PIGK: variants seen among roughly 807,000 people sequenced by gnomAD.
PIGK encodes the protein phosphatidylinositol glycan anchor biosynthesis class K.
In PIGK, 42 loss-of-function variants were observed where a neutral mutation model predicts 50.6. That is an observed-to-expected ratio of 0.83 (90% confidence interval 0.65 to 1.07). The LOEUF (loss-of-function observed/expected upper bound fraction) is 1.07. Among genes scored for constraint, PIGK ranks in the 50% least tolerant of loss-of-function variants. The pLI, the probability that PIGK is intolerant of heterozygous loss-of-function variation, is 0.00. For missense variants in PIGK, 448 were observed against 488.7 expected, an observed-to-expected ratio of 0.92 and a Z score of 0.78; for synonymous variants, 151 against 156.0, an observed-to-expected ratio of 0.97 and a Z score of 0.24.
chr1:77,194,501 C>G (rs1350613896), intron 3 of PIGK, among the ~76,000 whole-genome samples: 2 of 152,048 alleles, frequency 1.3e-5, no homozygotes, highest in African/African-American at 4.8e-5. Context: ...ATGGATGAAA[C>G]TAGAGGCTAT....
chr1:77,156,590 C>T (rs1257944334), intron 8 of PIGK, among the ~76,000 whole-genome samples: 1 of 152,234 alleles, frequency 6.6e-6, no homozygotes, highest in Middle Eastern at 3.4e-3. Flanking sequence ...TCCTTCAAAC[C>T]ATCCTTCCTT....
chr1:77,215,716 G>A lies in PIGK; in HGVS notation c.93+3594C>T, dbSNP rs149561483. 3.0e-3 allele frequency among the ~76,000 whole-genome samples: 453 copies of A among 152,188 alleles called. 1 individual carries two copies. Among genetic ancestry groups the A allele is most frequent in the African/African-American group, 6.5e-3 (269 of 41,546 alleles). On this transcript the variant is annotated intron_variant, in intron 1 of 10. Transcript: ENST00000370812. ...GGATAAAGCAAATGTGTGTGTGTGCGTGCACACACGTGTATATATAAAATG... is the reference window on the plus strand; with the variant it reads ...GGATAAAGCAAATGTGTGTGTGTGCATGCACACACGTGTATATATAAAATG...
chr1:77,113,995 C>T (rs1255500758), intron 10 of PIGK, among the ~76,000 whole-genome samples: 1 of 151,984 alleles, frequency 6.6e-6, no homozygotes, highest in Non-Finnish European at 1.5e-5. Flanking sequence ...TCTCTTTAGC[C>T]CAGTATCTAA....
At chr1:77,111,984 C>T (rs1472772314) in intron 10 of PIGK, among the ~76,000 whole-genome samples, 2 of 151,706 alleles carry the variant, frequency 1.3e-5, no homozygotes, top group African/African-American at 2.4e-5. Context: ...TTAGGCACTG[C>T]TAAATATATA....
intron 10 of PIGK, among the ~76,000 whole-genome samples, chr1:77,114,802 C>CA (rs1653926923): frequency 6.6e-6 from 1 of 152,100 alleles, no homozygotes; most frequent in Non-Finnish European, 1.5e-5. Context: ...GTTTAGTTTT[C>CA]ATTACTTGCC....
chr1:77,168,713 T>A (rs1655287947), intron 4 of PIGK, among the ~76,000 whole-genome samples: 2 of 150,800 alleles, frequency 1.3e-5, no homozygotes, highest in South Asian at 4.2e-4. Flanking sequence ...AAGGATTATC[T>A]AAGAAGACTT....
At chr1:77,210,080 A>T (rs868325088) in intron 2 of PIGK, among the ~76,000 whole-genome samples, 3 of 152,208 alleles carry the variant, frequency 2.0e-5, no homozygotes, top group South Asian at 4.1e-4. Context: ...AAAAAATTTT[A>T]AAAAGTGTAA....
intron 9 of PIGK, among the ~76,000 whole-genome samples, chr1:77,151,302 T>G (rs1402113958): frequency 6.6e-6 from 1 of 152,146 alleles, no homozygotes; most frequent in African/African-American, 2.4e-5. Context: ...CAGCATCCCT[T>G]CATGATAAAA....
chr1:77,145,395 A>C (rs555849018), intron 9 of PIGK, among the ~76,000 whole-genome samples: 1 of 152,166 alleles, frequency 6.6e-6, no homozygotes, highest in South Asian at 2.1e-4. Flanking sequence ...TCTCAGAAAA[A>C]CAGTCAATAT....
intron 3 of PIGK, among the ~76,000 whole-genome samples, chr1:77,203,923 C>T (rs1396552842): frequency 6.6e-6 from 1 of 152,144 alleles, no homozygotes; most frequent in Non-Finnish European, 1.5e-5. Flanking sequence ...TATGTTGCTT[C>T]AGGATCCTGA....
At chr1:77,162,669 G>C (rs1301146570) in intron 6 of PIGK, among the ~76,000 whole-genome samples, 1 of 152,146 alleles carries the variant, frequency 6.6e-6, no homozygotes, top group Non-Finnish European at 1.5e-5. Flanking sequence ...TTTCTGGGAA[G>C]TTTTTCTCAG....
chr1:77,125,424 C>T (rs1047060243), intron 9 of PIGK, among the ~76,000 whole-genome samples: 2 of 152,130 alleles, frequency 1.3e-5, no homozygotes, highest in Non-Finnish European at 2.9e-5. Flanking sequence ...TTGAGTATCA[C>T]TGTGGATATA....
chr1:77,174,877 C>A (rs1261824297), intron 3 of PIGK, among the ~76,000 whole-genome samples: 1 of 152,138 alleles, frequency 6.6e-6, no homozygotes, highest in Non-Finnish European at 1.5e-5. Context: ...CGATTAAAAA[C>A]CTTAAAAACT....
At chr1:77,170,634 A>G (rs1655338879) in intron 3 of PIGK, among the ~76,000 whole-genome samples, 1 of 152,216 alleles carries the variant, frequency 6.6e-6, no homozygotes, top group Non-Finnish European at 1.5e-5. Context: ...TACTCAGTAA[A>G]TAATTTTAAG....
Position 77,172,387 on chromosome 1 carries a change from T to C in PIGK, c.240-2992A>G, listed in dbSNP as rs76567172. On this transcript the variant is annotated intron_variant, in intron 3 of 10. Transcript: ENST00000370812. ...TCACTTCCAATTTCTGTACCTCACT[T>C]CGCTTTTTTTGTCTCTAATCTTCTT... 1.8e-4 allele frequency among the ~76,000 whole-genome samples: 27 copies of C among 152,300 alleles called. No individual in the cohort carries two copies. The East Asian group carries it at 4.4e-3, about 25-fold the overall frequency.
At chr1:77,205,863 C>A (rs7417698) in intron 3 of PIGK, among the ~76,000 whole-genome samples, 55,130 of 151,642 alleles carry the variant, frequency 0.36, 10,488 homozygotes, top group East Asian at 0.44. Context: ...TAAACTCACT[C>A]CCTACAAGTA....
rs528377599 is a variant in PIGK, at chr1:77,182,796, T to A, written c.240-13401A>T. On this transcript the variant is annotated intron_variant, in intron 3 of 10. Transcript: ENST00000370812. ...TGATAGTCCTTAGCATAAACTATTG[T>A]GACAGTTATGCAAAATAAATTCATT... 5.3e-5 allele frequency among the ~76,000 whole-genome samples: 8 copies of A among 152,282 alleles called. No homozygotes were observed. In the South Asian group the frequency reaches 1.7e-3, roughly 32 times the overall value.
intron 3 of PIGK, among the ~76,000 whole-genome samples, chr1:77,199,384 T>C (rs541948926): frequency 3.3e-5 from 5 of 152,130 alleles, no homozygotes; most frequent in Admixed American, 6.6e-5. Flanking sequence ...GGAAGTATTT[T>C]AGAAAAAACT....
chr1:77,155,877 A>T (rs1025843077), intron 8 of PIGK, among the ~76,000 whole-genome samples: 1 of 152,176 alleles, frequency 6.6e-6, no homozygotes, highest in African/African-American at 2.4e-5. Flanking sequence ...CAGTGTTCCA[A>T]GCACTGTGCT....
Sources: gnomAD v4.1 joint callset for allele counts (sites outside exome capture counted in the v4.1 genomes callset) on GRCh38, gnomAD v4.1.1 for gene constraint, MANE v1.5 for transcripts, NCBI Gene and HGNC (gene_info 2026-07-23, HGNC 2026-07-21) for gene names.